CA10: variants seen among roughly 807,000 people sequenced by gnomAD.
The protein encoded by CA10 is carbonic anhydrase-related protein 10.
CA10 carries 14 observed loss-of-function variants against 44.2 expected under a neutral mutation model. The observed-to-expected ratio is 0.32, with a 90% CI of 0.21 to 0.50. The LOEUF (loss-of-function observed/expected upper bound fraction) is 0.50, where lower values mean the gene tolerates loss of function less well. Among genes scored for constraint, CA10 ranks in the 20% least tolerant of loss-of-function variants. The probability of loss-of-function intolerance (pLI) is 0.99; values close to 1 mark genes in which losing one functional copy is unlikely to be tolerated. For missense variants in CA10, 350 were observed against 409.7 expected (o/e 0.85, Z 1.26); for synonymous variants, 159 against 141.6 (o/e 1.12, Z -0.87).
intron 2 of CA10, among the ~76,000 whole-genome samples, chr17:52,048,659 T>C (rs1464175160): frequency 6.6e-6 from 1 of 151,388 alleles, no homozygotes; most frequent in Non-Finnish European, 1.5e-5. Flanking sequence ...TGGGGTAGAG[T>C]AGGAAAATAA....
At chr17:51,771,093 C>T (rs1905590144) in intron 3 of CA10, among the ~76,000 whole-genome samples, 1 of 134,112 alleles carries the variant, frequency 7.5e-6, no homozygotes, top group Non-Finnish European at 1.5e-5. Flanking sequence ...CACTGCTCTC[C>T]AGTCTGGCGA....
intron 3 of CA10, among the ~76,000 whole-genome samples, chr17:51,903,579 G>C (rs997533069): frequency 3.3e-5 from 5 of 152,168 alleles, no homozygotes; most frequent in African/African-American, 1.2e-4. Flanking sequence ...ATCCTCTGCT[G>C]AGGGTAGCAG....
At chr17:51,636,077 C>T (rs1333570854) in intron 6 of CA10, 68 bp from the exon 7 acceptor site, 3 of 788,490 alleles carry the variant, frequency 3.8e-6, no homozygotes, top group Non-Finnish European at 4.1e-6. Flanking sequence ...GACATACATA[C>T]ATACATACAT....
At chr17:51,856,756 G>A (rs1052216684) in intron 3 of CA10, among the ~76,000 whole-genome samples, 1 of 152,150 alleles carries the variant, frequency 6.6e-6, no homozygotes, top group African/African-American at 2.4e-5. Context: ...ATGATGAAAG[G>A]TTATCTGGAG....
At chr17:52,033,194 A>T (rs905458859) in intron 2 of CA10, among the ~76,000 whole-genome samples, 2 of 152,232 alleles carry the variant, frequency 1.3e-5, no homozygotes, top group African/African-American at 4.8e-5. Context: ...AAAGATATAG[A>T]GTAGTAAAAT....
In CA10 at chr17:52,140,138, A is replaced by G. The variant is rs146574943; in HGVS notation, c.61+17588T>C. 3.3e-5 allele frequency among the ~76,000 whole-genome samples: 5 copies of G among 152,322 alleles called. No individual in the cohort carries two copies. In the East Asian group the frequency reaches 9.7e-4, roughly 29 times the overall value. The stretch of plus-strand genomic sequence containing the variant: ...ATACAGAAATTTGGGGAGTGATAAA[A>G]ATGTTCCACATCTTAGTTGCGGTGG... On this transcript the variant is annotated intron_variant, in intron 1 of 8. Coordinates refer to ENST00000451037, the MANE Select transcript of CA10 (RefSeq NM_020178.5).
In CA10 at chr17:51,725,198, TG is replaced by T. The variant is rs563276590; in HGVS notation, c.465+22434del. On this transcript the variant is annotated intron_variant, in intron 4 of 8. Transcript: ENST00000451037. ...CAGGACACAAGTTGCTGTGACCAGC[TG>T]GTGTGCTTCTCTTTATTTGCACCTG... is the stretch of plus-strand genomic sequence containing the variant. Among the ~76,000 whole-genome samples the T allele has an allele frequency of 1.6e-4, 24 of 152,366 alleles. No homozygotes were observed. In the East Asian group the frequency reaches 4.6e-3, roughly 29 times the overall value.
chr17:52,111,695 T>G (rs960690538), intron 1 of CA10, among the ~76,000 whole-genome samples: 155 of 152,292 alleles, frequency 1.0e-3, no homozygotes, highest in African/African-American at 3.7e-3. Flanking sequence ...GGAGGAAAGC[T>G]TTTTGTAAAT....
intron 4 of CA10, among the ~76,000 whole-genome samples, chr17:51,654,554 C>A (rs1041626238): frequency 1.5e-5 from 2 of 130,984 alleles, no homozygotes; most frequent in South Asian, 2.4e-4. Flanking sequence ...AGTATGGAAG[C>A]CTAATTTTTT....
intron 1 of CA10, among the ~76,000 whole-genome samples, chr17:52,090,803 T>G (rs1249968334): frequency 6.6e-6 from 1 of 152,096 alleles, no homozygotes; most frequent in Admixed American, 6.6e-5. Context: ...CTACATGAGA[T>G]GAACTGGAAC....
At chr17:52,070,311 A>G (rs1987645827) in intron 2 of CA10, 1 of 139,122 alleles carries the variant, frequency 7.2e-6, no homozygotes, top group African/African-American at 2.7e-5. Context: ...ACACATTATT[A>G]CACTATCCAG....
intron 3 of CA10, among the ~76,000 whole-genome samples, chr17:51,797,466 C>A (rs1906757012): frequency 6.6e-6 from 1 of 152,164 alleles, no homozygotes; most frequent in African/African-American, 2.4e-5. Context: ...TACTGACCAT[C>A]TTGGGGGCAT....
At chr17:51,870,022 C>T (rs1008711064) in intron 3 of CA10, among the ~76,000 whole-genome samples, 1 of 152,196 alleles carries the variant, frequency 6.6e-6, no homozygotes, top group Non-Finnish European at 1.5e-5. Context: ...GACCTTCCTG[C>T]CCAAACCACT....
rs369935802 is a variant in CA10, at chr17:51,926,895, T to G, written c.279+4095A>C. 1.3e-4 allele frequency among the ~76,000 whole-genome samples: 20 copies of G among 152,314 alleles called. No individual in the cohort carries two copies. In the East Asian group the frequency reaches 3.3e-3, roughly 25 times the overall value. ...ATTTTTGGAAGGGGACATTATTCTG[T>G]CTACCACATTTATCAACTCCAAATA... is the stretch of plus-strand genomic sequence containing the variant. On this transcript the variant is annotated intron_variant, in intron 3 of 8. Transcript: ENST00000451037.
chr17:51,716,448 C>T (rs889131047), intron 4 of CA10, among the ~76,000 whole-genome samples: 9 of 151,668 alleles, frequency 5.9e-5, no homozygotes, highest in South Asian at 2.1e-4. Context: ...TTTTTGGCCT[C>T]GAAAAATGAT....
chr17:51,867,732 C>T (rs533423444), intron 3 of CA10, among the ~76,000 whole-genome samples: 2 of 152,298 alleles, frequency 1.3e-5, no homozygotes, highest in South Asian at 4.1e-4. Flanking sequence ...GGATGAGGTG[C>T]ATGTCTGTAA....
intron 8 of CA10, 113 bp downstream of exon 8, chr17:51,633,363 T>C: frequency 9.5e-7 from 1 of 1,052,206 alleles, no homozygotes; most frequent in Non-Finnish European, 1.4e-6. Context: ...GCTATTGTCA[T>C]TTACAGTCAT....
intron 6 of CA10, among the ~76,000 whole-genome samples, chr17:51,637,973 G>A (rs370053607): frequency 2.0e-5 from 3 of 152,274 alleles, no homozygotes; most frequent in Admixed American, 6.5e-5. Context: ...AAATAAGTAG[G>A]CTATAATGTC....
At chr17:52,072,295 A>G (rs760705486) in intron 2 of CA10, 24 bp downstream of exon 2, 1 of 1,477,378 alleles carries the variant, frequency 6.8e-7, no homozygotes, top group Non-Finnish European at 9.4e-7. Context: ...TAATAAATAA[A>G]TTAAAGAATT....
Sources: allele counts gnomAD v4.1 joint callset (sites outside exome capture counted in the v4.1 genomes callset), GRCh38; gene constraint gnomAD v4.1.1; transcripts MANE v1.5; gene names NCBI Gene and HGNC (gene_info 2026-07-23, HGNC 2026-07-21).